Variants in USP42 observed in about 807,000 individuals in gnomAD.
USP42 encodes ubiquitin carboxyl-terminal hydrolase 42.
In USP42, 23 loss-of-function variants were observed where a neutral mutation model predicts 113.0. That is an observed-to-expected ratio of 0.20 (90% CI 0.15 to 0.29). The LOEUF (loss-of-function observed/expected upper bound fraction) is 0.29, where lower values mean the gene tolerates loss of function less well. Among genes scored for constraint, USP42 ranks in the 10% least tolerant of loss-of-function variants. The pLI, the probability that USP42 is intolerant of heterozygous loss-of-function variation, is 1.00. For missense variants in USP42, 2,174 were observed against 1,779.8 expected (o/e 1.22, Z -3.99); for synonymous variants, 933 against 699.0 (o/e 1.33, Z -5.28).
intron 2 of USP42, among the ~76,000 whole-genome samples, 182 bp from the exon 3 acceptor site, chr7:6,115,141 A>T (rs746698714): frequency 6.6e-6 from 1 of 152,150 alleles, no homozygotes; most frequent in East Asian, 1.9e-4. Flanking sequence ...AAACCAGATC[A>T]TTGAAAATTT....
upstream of USP42, among the ~76,000 whole-genome samples, chr7:6,104,324 C>G (rs1779123393): frequency 1.3e-5 from 2 of 151,876 alleles, no homozygotes; most frequent in Admixed American, 1.3e-4. Flanking sequence ...CCTCGTGATC[C>G]GCCCGCCTCG....
intron 13 of USP42, 30 bp from the exon 14 acceptor site, chr7:6,150,380 CTG>C (rs1454342922): frequency 6.2e-7 from 1 of 1,612,242 alleles, no homozygotes; most frequent in Non-Finnish European, 8.5e-7. Flanking sequence ...GAGCTGGCGA[CTG>C]AAGCTGAAAT....
chr7:6,091,863 A>T, the USP42 span, among the ~76,000 whole-genome samples: 1 of 150,720 alleles, frequency 6.6e-6, no homozygotes, highest in Admixed American at 6.6e-5. Context: ...CTGGGACTAC[A>T]GGGGTGCACC....
At chr7:6,107,195 A>AT (rs1325221407) in intron 1 of USP42, among the ~76,000 whole-genome samples, 2 of 151,900 alleles carry the variant, frequency 1.3e-5, no homozygotes, top group Non-Finnish European at 2.9e-5. Context: ...CTTTCGTTAA[A>AT]TTTTTTTTCA....
At position 6,139,604 on chromosome 7, in the gene USP42, T is replaced by C. The variant is rs999260264; in HGVS notation, c.656+410T>C. ...TCAGTTACTGATTCTTGTAGCTAGT[T>C]CCTTAAAATCTAAATGCAGACTCAA... On this transcript the variant is annotated intron_variant, in intron 5 of 17. Transcript: ENST00000306177. The surrounding 1 kb of genome is among the most constrained non-coding windows in gnomAD (Gnocchi z 4.5). 2.5e-5 allele frequency: 5 copies of C among 200,122 alleles called. No homozygotes were observed. Among genetic ancestry groups the C allele is most frequent in the Non-Finnish European group, 1.0e-5 (1 of 98,548 alleles). 12.4% of individuals were successfully genotyped at this position (200,122 alleles called of 1,614,324 possible).
chr7:6,146,926 C>T (rs998514759), intron 11 of USP42, among the ~76,000 whole-genome samples: 2 of 152,234 alleles, frequency 1.3e-5, no homozygotes, highest in African/African-American at 4.8e-5. Context: ...CACCTCCCAA[C>T]CTGGAGCACA....
chr7:6,099,032 ATAG>A, the USP42 span, among the ~76,000 whole-genome samples: 1 of 149,710 alleles, frequency 6.7e-6, no homozygotes, highest in African/African-American at 2.5e-5. Flanking sequence ...TTAGAGACTG[ATAG>A]TAGCTGAAAA....
At chr7:6,151,144 G>C (rs1183658714) in intron 14 of USP42, among the ~76,000 whole-genome samples, 3 of 152,206 alleles carry the variant, frequency 2.0e-5, no homozygotes, top group Non-Finnish European at 2.9e-5. Context: ...ACCTGCACAG[G>C]GCACTTACCA....
At chr7:6,148,392 T>C (rs1174391073) in intron 12 of USP42, among the ~76,000 whole-genome samples, 1 of 152,172 alleles carries the variant, frequency 6.6e-6, no homozygotes, top group Non-Finnish European at 1.5e-5. Context: ...ACCTCACCAA[T>C]GGGGAGGAAA....
chr7:6,104,506 G>A (rs1562792490), upstream of USP42, among the ~76,000 whole-genome samples: 2 of 152,274 alleles, frequency 1.3e-5, no homozygotes, highest in Non-Finnish European at 2.9e-5. Context: ...CGTTTTCGGG[G>A]GACGGGGATC....
In USP42 at chr7:6,149,628, A is replaced by G. The variant is rs368181518; in HGVS notation, c.1432A>G (p.Ser478Gly). The change falls in exon 13 of 18, where the codon AGC becomes GGC. Residue 478 changes from serine to glycine, a missense_variant. Ser to Gly is a moderately conservative substitution (Grantham distance 56). Coordinates refer to ENST00000306177, the MANE Select transcript of USP42 (RefSeq NM_032172.3). ...GACTGGACCATTGAAAGACACGCCA[A>G]GCAGTTCCATGTCGAGTCCTAACGG... ...NGTGPLKDTP[S>G]SSMSSPNGNS... The G allele has an allele frequency of 2.8e-5, 45 of 1,613,994 alleles. No individual in the cohort carries two copies. The African/African-American group carries it at 3.6e-4, about 13-fold the overall frequency.
At chr7:6,134,517 G>A (rs144851868) in intron 3 of USP42, among the ~76,000 whole-genome samples, 19 of 152,102 alleles carry the variant, frequency 1.2e-4, no homozygotes, top group Non-Finnish European at 2.4e-4. Context: ...TATTAGGTGC[G>A]TCTGGGTAGC....
intron 3 of USP42, among the ~76,000 whole-genome samples, chr7:6,121,305 A>T (rs991297685): frequency 2.0e-5 from 3 of 152,180 alleles, no homozygotes. Context: ...TACCAGGTTG[A>T]GTTGTTTGAT....
chr7:6,094,542 T>C, the USP42 span, among the ~76,000 whole-genome samples: 1 of 151,186 alleles, frequency 6.6e-6, no homozygotes, highest in African/African-American at 2.5e-5. Flanking sequence ...TGGGTAGCGG[T>C]GGAATTAAGC....
In USP42 at chr7:6,155,102, A is replaced by G. The variant is rs1452431168; in HGVS notation, c.3548A>G (p.Gln1183Arg). ...GAAAAGAAAGCCCGGAGGAGCGAAC[A>G]GAAGGATCCTCTAGAAGAGCCTAAA... ...HVEKKARRSE[Q>R]KDPLEEPKAK... The change falls in exon 15 of 18, where the codon CAG (glutamine) becomes CGG (arginine). Residue 1183 changes from glutamine (Q) to arginine (R), a missense_variant. Physicochemically the swap from Gln to Arg is conservative, Grantham distance 43. Coordinates refer to ENST00000306177, the MANE Select transcript of USP42 (RefSeq NM_032172.3). The G allele has an allele frequency of 2.6e-6, 4 of 1,560,052 alleles. No homozygotes were observed. Among genetic ancestry groups the G allele is most frequent in the Middle Eastern group, 1.7e-4 (1 of 6,000 alleles).
rs1369333275 is a variant in USP42 at position 6,145,647 on chromosome 7, C to T, written c.1122C>T (p.Cys374=). 3 of 1,613,608 alleles carry T rather than the reference C, an allele frequency of 1.9e-6. No individual in the cohort carries two copies. Among genetic ancestry groups the T allele is most frequent in the African/African-American group, 1.3e-5 (1 of 74,944 alleles). The change falls in exon 10 of 18, where the codon TGC becomes TGT. Residue 374 remains cysteine (C), a synonymous_variant. Coordinates refer to ENST00000306177, the MANE Select transcript of USP42 (RefSeq NM_032172.3). ...ATTGCCATGCTGGCCATTACTTCTGCTACATAAAAGTAAGCTGTGCAGATT... is the reference window on the plus strand; with the variant it reads ...ATTGCCATGCTGGCCATTACTTCTGTTACATAAAAGTAAGCTGTGCAGATT... ...GFNCHAGHYF[C]YIKASNGLWY...
the USP42 span, chr7:6,088,736 A>T: frequency 2.0e-5 from 3 of 150,850 alleles, no homozygotes; most frequent in South Asian, 4.2e-4. Flanking sequence ...CTTTCCACCA[A>T]CTCATCAAGG....
At chr7:6,122,441 A>G (rs1780279180) in intron 3 of USP42, among the ~76,000 whole-genome samples, 1 of 151,696 alleles carries the variant, frequency 6.6e-6, no homozygotes, top group Non-Finnish European at 1.5e-5. Flanking sequence ...ATGCACCACC[A>G]TGCCTTTTGT....
At chr7:6,116,721 C>G in intron 3 of USP42, 1 of 507,368 alleles carries the variant, frequency 2.0e-6, no homozygotes, top group Non-Finnish European at 3.9e-6. Flanking sequence ...CACCTAGAAT[C>G]TCACCACCTA....
Sources: gnomAD v4.1 joint callset for allele counts (sites outside exome capture counted in the v4.1 genomes callset) on GRCh38, gnomAD v4.1.1 for gene constraint, Gnocchi (gnomAD v3.1) non-coding constraint, MANE v1.5 for transcripts, NCBI Gene and HGNC (gene_info 2026-07-23, HGNC 2026-07-21) for gene names.